The following CAST variants were observed in gnomAD, a reference collection of about 807,000 sequenced individuals.
CAST encodes MIR583 host.
Under a neutral mutation model 119.6 loss-of-function variants are expected in CAST, and 76 were observed. The observed-to-expected ratio is 0.64, with a 90% CI of 0.53 to 0.77. The LOEUF (loss-of-function observed/expected upper bound fraction) is 0.77. Ranked by LOEUF, CAST falls within the 30% of genes least tolerant of loss-of-function variation. The pLI, the probability that CAST is intolerant of heterozygous loss-of-function variation, is 0.00. For missense variants in CAST, 953 were observed against 946.5 expected (o/e 1.01, Z -0.09); for synonymous variants, 319 against 331.6 (o/e 0.96, Z 0.41).
intron 1 of CAST, among the ~76,000 whole-genome samples, chr5:96,641,291 C>T (rs1269996902): frequency 7.9e-5 from 12 of 152,118 alleles, no homozygotes; most frequent in Admixed American, 7.9e-4. Context: ...AAAATTACCT[C>T]TCTAGGTCTT....
the CAST span, among the ~76,000 whole-genome samples, chr5:96,107,735 G>A: frequency 6.6e-6 from 1 of 152,076 alleles, no homozygotes; most frequent in Admixed American, 6.5e-5. Flanking sequence ...TATCTTTGTG[G>A]CGTTCTCTGT....
the CAST span, among the ~76,000 whole-genome samples, chr5:96,223,345 A>G: frequency 6.6e-6 from 1 of 152,188 alleles, no homozygotes; most frequent in East Asian, 1.9e-4. Context: ...AATGCATAGA[A>G]TGTGTAATGA....
At chr5:96,260,433 G>A in the CAST span, among the ~76,000 whole-genome samples, 1 of 152,190 alleles carries the variant, frequency 6.6e-6, no homozygotes, top group African/African-American at 2.4e-5. Flanking sequence ...TAGCTTCAGA[G>A]TGAACCACTC....
chr5:95,984,877 A>G, the CAST span, among the ~76,000 whole-genome samples: 4 of 152,170 alleles, frequency 2.6e-5, no homozygotes, highest in African/African-American at 7.2e-5. Flanking sequence ...TAATGTTTTT[A>G]TATTGATTAC....
the CAST span, among the ~76,000 whole-genome samples, chr5:96,113,994 C>G: frequency 6.6e-6 from 1 of 152,142 alleles, no homozygotes; most frequent in Non-Finnish European, 1.5e-5. Context: ...ACTAGCCTGA[C>G]CTCTTAGGCT....
At chr5:95,993,771 T>C in the CAST span, among the ~76,000 whole-genome samples, 7 of 152,002 alleles carry the variant, frequency 4.6e-5, no homozygotes, top group Admixed American at 4.6e-4. Context: ...TAAAGAACTC[T>C]TACAACCAAT....
chr5:96,131,819 A>G, the CAST span, among the ~76,000 whole-genome samples: 2 of 152,148 alleles, frequency 1.3e-5, no homozygotes, highest in Non-Finnish European at 2.9e-5. Context: ...ATGAAGTCCC[A>G]CAAACATAAG....
intron 1 of CAST, among the ~76,000 whole-genome samples, chr5:96,584,263 C>T (rs1746815460): frequency 6.6e-6 from 1 of 152,182 alleles, no homozygotes; most frequent in Admixed American, 6.5e-5. Flanking sequence ...CTATGAGAAC[C>T]TAACGCCGAT....
the CAST span, among the ~76,000 whole-genome samples, chr5:95,992,514 A>C: frequency 1.3e-5 from 2 of 152,084 alleles, no homozygotes; most frequent in Non-Finnish European, 2.9e-5. Context: ...AATACTCTTC[A>C]AGATTGTTAA....
chr5:96,759,173 A>C (rs1343186050), intron 24 of CAST, among the ~76,000 whole-genome samples: 1 of 152,214 alleles, frequency 6.6e-6, no homozygotes, highest in African/African-American at 2.4e-5. Context: ...GAAATAACTA[A>C]TCATCATGAG....
At chr5:96,756,091 T>G (rs1766266024) in intron 22 of CAST, among the ~76,000 whole-genome samples, 1 of 152,188 alleles carries the variant, frequency 6.6e-6, no homozygotes, top group Non-Finnish European at 1.5e-5. Context: ...TAGTTACCTA[T>G]TAATAACATT....
the CAST span, among the ~76,000 whole-genome samples, chr5:95,964,823 A>G: frequency 6.6e-6 from 1 of 152,188 alleles, no homozygotes; most frequent in Admixed American, 6.5e-5. Context: ...GTAGCTATGG[A>G]TTAGATTTAA....
the CAST span, among the ~76,000 whole-genome samples, chr5:96,431,249 G>A: frequency 3.9e-5 from 6 of 152,140 alleles, no homozygotes; most frequent in African/African-American, 1.2e-4. Context: ...ACTGTATTAT[G>A]TCTCACTGTT....
chr5:96,073,786 A>G, the CAST span, among the ~76,000 whole-genome samples: 2 of 152,100 alleles, frequency 1.3e-5, no homozygotes, highest in Non-Finnish European at 2.9e-5. Context: ...CTGCTGTGCG[A>G]CCCTGTTCCT....
At chr5:96,142,317 G>C in the CAST span, among the ~76,000 whole-genome samples, 1 of 152,150 alleles carries the variant, frequency 6.6e-6, no homozygotes, top group African/African-American at 2.4e-5. Flanking sequence ...GAGGCTGAGA[G>C]GCAAGAGCAT....
chr5:96,481,159 A>C, the CAST span, among the ~76,000 whole-genome samples: 2 of 151,600 alleles, frequency 1.3e-5, no homozygotes, highest in Non-Finnish European at 2.9e-5. Flanking sequence ...AATCACTAAC[A>C]CTCACTCATC....
chr5:96,461,596 C>T, the CAST span, among the ~76,000 whole-genome samples: 1 of 151,954 alleles, frequency 6.6e-6, no homozygotes, highest in African/African-American at 2.4e-5. Context: ...AATGAAACCT[C>T]GAGAATGGCC....
intron 1 of CAST, among the ~76,000 whole-genome samples, chr5:96,641,052 TAG>T (rs1365487504): frequency 6.6e-6 from 1 of 152,180 alleles, no homozygotes; most frequent in Non-Finnish European, 1.5e-5. Flanking sequence ...AACAGAATAT[TAG>T]GTTTGAAAAT....
In CAST at chr5:96,767,947, GA is replaced by G; in HGVS notation, c.2217del (p.Asp740IlefsTer65). On this transcript the variant is annotated frameshift_variant, in exon 29 of 32. Coordinates refer to ENST00000675179, the MANE Select transcript of CAST (RefSeq NM_001750.7). LOFTEE classifies it high-confidence loss of function. ...CAAGACCCCATTGATGCTCTCTCAG[GA>G]GATCTGGACAGCTGTCCCTCCACTA... ...DDQDPIDALSGDLDSCPSTTE... is the reference protein window; with the variant it reads ...DDQDPIDALSXDLDSCPSTTE... 2 of 1,613,642 alleles carry G rather than the reference GA, an allele frequency of 1.2e-6. No homozygotes were observed. Among genetic ancestry groups the G allele is most frequent in the Non-Finnish European group, 1.7e-6 (2 of 1,179,732 alleles).
Sources: allele counts gnomAD v4.1 joint callset (sites outside exome capture counted in the v4.1 genomes callset), GRCh38; gene constraint gnomAD v4.1.1; transcripts MANE v1.5; gene names NCBI Gene and HGNC (gene_info 2026-07-23, HGNC 2026-07-21).